Variants in CDH13 observed in about 807,000 individuals in gnomAD.
CDH13 encodes cadherin 13.
In CDH13, 24 loss-of-function variants were observed where a neutral mutation model predicts 63.8. That is an observed-to-expected ratio of 0.38 (90% confidence interval 0.27 to 0.53). The LOEUF (loss-of-function observed/expected upper bound fraction) is 0.53. Among genes scored for constraint, CDH13 ranks in the 20% least tolerant of loss-of-function variants. The pLI, the probability that CDH13 is intolerant of heterozygous loss-of-function variation, is 0.85. For synonymous variants in CDH13, 503 were observed against 355.3 expected (o/e 1.42, Z -4.67); for missense variants, 1,049 against 903.1 (o/e 1.16, Z -2.07).
At chr16:83,076,616 A>G (rs1238569322) in intron 3 of CDH13, among the ~76,000 whole-genome samples, 1 of 151,730 alleles carries the variant, frequency 6.6e-6, no homozygotes, top group Non-Finnish European at 1.5e-5. Context: ...TACTTGCTTT[A>G]TATATATAAA....
In CDH13 at chr16:83,470,641, C is replaced by T. The variant is rs537224218; in HGVS notation, c.782-15836C>T. On this transcript the variant is annotated intron_variant, in intron 6 of 13. Coordinates refer to ENST00000567109, the MANE Select transcript of CDH13 (RefSeq NM_001257.5). ...TGGCAGGAGGGAGAATCTGATTCTT[C>T]TACCCCTTCTGCTGCTCCAAATGAT... 8.5e-5 allele frequency among the ~76,000 whole-genome samples: 13 copies of T among 152,236 alleles called. 1 individual carries two copies. Among genetic ancestry groups the T allele is most frequent in the African/African-American group, 3.1e-4 (13 of 41,536 alleles).
At chr16:83,446,259 T>C (rs1598040227) in intron 6 of CDH13, among the ~76,000 whole-genome samples, 1 of 144,944 alleles carries the variant, frequency 6.9e-6, no homozygotes, top group Admixed American at 7.2e-5. Context: ...GCCGAGATCA[T>C]GCCACTGCAC....
At chr16:83,042,597 A>C (rs541854344) in intron 3 of CDH13, among the ~76,000 whole-genome samples, 1 of 152,218 alleles carries the variant, frequency 6.6e-6, no homozygotes, top group African/African-American at 2.4e-5. Flanking sequence ...AATCATCCCA[A>C]AACCGCCACC....
chr16:83,402,218 TAAAGTAGCA>T (rs2151443903), intron 6 of CDH13, among the ~76,000 whole-genome samples: 1 of 152,308 alleles, frequency 6.6e-6, no homozygotes, highest in African/African-American at 2.4e-5. Context: ...CTGCTGCTGC[TAAAGTAGCA>T]AAACTGTCTG....
chr16:83,433,363 C>T (rs1424675335), intron 6 of CDH13, among the ~76,000 whole-genome samples: 1 of 152,062 alleles, frequency 6.6e-6, no homozygotes, highest in East Asian at 1.9e-4. Context: ...AATGAGTCAG[C>T]AAAAAATGAG....
chr16:82,939,352 G>A (rs972074071), intron 2 of CDH13, among the ~76,000 whole-genome samples: 2 of 152,022 alleles, frequency 1.3e-5, no homozygotes, highest in African/African-American at 4.8e-5. Context: ...GAGCCAGGGA[G>A]ACGGAGGTTG....
intron 4 of CDH13, among the ~76,000 whole-genome samples, chr16:83,140,206 C>T (rs1202371286): frequency 1.3e-5 from 2 of 152,194 alleles, no homozygotes; most frequent in Non-Finnish European, 2.9e-5. Flanking sequence ...CTGACAAGCC[C>T]AGCTCCATGG....
chr16:83,366,270 T>G lies in CDH13; in HGVS notation c.781+21264T>G, dbSNP rs80080347. ...CCCAATACCAACATCATTCTTAAAT[T>G]AAAACAGCAACGGAAGCAATCTCAG... On this transcript the variant is annotated intron_variant, in intron 6 of 13. Coordinates refer to ENST00000567109, the MANE Select transcript of CDH13 (RefSeq NM_001257.5). Among the ~76,000 whole-genome samples, 1,480 of 152,290 alleles carry G rather than the reference T, an allele frequency of 9.7e-3. 18 individuals carry two copies. Among genetic ancestry groups the G allele is most frequent in the African/African-American group, 0.033 (1,371 of 41,562 alleles).
chr16:83,470,530 G>A (rs1243941737), intron 6 of CDH13, among the ~76,000 whole-genome samples: 3 of 152,130 alleles, frequency 2.0e-5, no homozygotes, highest in Admixed American at 1.3e-4. Context: ...TTATAATAGA[G>A]CATAACATTC....
rs551535552 is a variant in CDH13 at position 83,472,458 on chromosome 16, G to A, written c.782-14019G>A. Among the ~76,000 whole-genome samples the A allele has an allele frequency of 2.7e-4, 41 of 152,320 alleles. No individual in the cohort carries two copies. In the South Asian group the frequency reaches 8.5e-3, roughly 32 times the overall value. The stretch of plus-strand genomic sequence containing the variant: ...GAGAGCAGGAGCCATGATGACTCTG[G>A]AGCCCTGAGGTCGGCCCCGGGAGCT... On this transcript the variant is annotated intron_variant, in intron 6 of 13. Coordinates refer to ENST00000567109, the MANE Select transcript of CDH13 (RefSeq NM_001257.5).
At chr16:83,189,831 G>A (rs62037384) in intron 4 of CDH13, among the ~76,000 whole-genome samples, 1,675 of 152,264 alleles carry the variant, frequency 0.011, 10 homozygotes, top group Non-Finnish European at 0.015. Context: ...GTCACGGGAG[G>A]GACCCAATGG....
chr16:83,458,658 C>A (rs1438954773), intron 6 of CDH13, among the ~76,000 whole-genome samples: 1 of 152,202 alleles, frequency 6.6e-6, no homozygotes, highest in African/African-American at 2.4e-5. Context: ...TTTCAGCCAT[C>A]TTCCTGTTGT....
intron 5 of CDH13, among the ~76,000 whole-genome samples, chr16:83,265,584 G>T (rs1000537127): frequency 3.2e-4 from 48 of 151,194 alleles, no homozygotes; most frequent in Non-Finnish European, 2.4e-4. Flanking sequence ...AATTTTAATG[G>T]TTTTTTTTGT....
chr16:83,547,393 T>C (rs932627415), intron 7 of CDH13, among the ~76,000 whole-genome samples: 1 of 152,164 alleles, frequency 6.6e-6, no homozygotes, highest in Non-Finnish European at 1.5e-5. Flanking sequence ...GGTGTACAGA[T>C]TATTTTGTCA....
At chr16:83,425,078 A>C (rs563308718) in intron 6 of CDH13, among the ~76,000 whole-genome samples, 2 of 152,268 alleles carry the variant, frequency 1.3e-5, no homozygotes, top group African/African-American at 4.8e-5. Flanking sequence ...CATGCTTACA[A>C]CCTCGGTCAA....
At chr16:83,314,797 T>C (rs556172311) in intron 5 of CDH13, among the ~76,000 whole-genome samples, 1 of 152,236 alleles carries the variant, frequency 6.6e-6, no homozygotes, top group Non-Finnish European at 1.5e-5. Flanking sequence ...CCACATTAGG[T>C]GCAACTTCAT....
At chr16:83,690,784 C>T (rs1001052088) in intron 10 of CDH13, among the ~76,000 whole-genome samples, 2 of 152,062 alleles carry the variant, frequency 1.3e-5, no homozygotes, top group Non-Finnish European at 2.9e-5. Flanking sequence ...TACAGTGCCA[C>T]GATTTTGGCT....
At chr16:83,169,970 G>A (rs1214908093) in intron 4 of CDH13, among the ~76,000 whole-genome samples, 1 of 152,000 alleles carries the variant, frequency 6.6e-6, no homozygotes, top group South Asian at 2.1e-4. Flanking sequence ...TTAATGTGAA[G>A]TCCCATTTCA....
chr16:83,175,821 CTTTTTTTTTT>C (rs762355886), intron 4 of CDH13, among the ~76,000 whole-genome samples: 3 of 90,010 alleles, frequency 3.3e-5, no homozygotes, highest in Admixed American at 2.9e-4. Context: ...TTTCAACCTG[CTTTTTTTTTT>C]TTTTTTTTTT....
Sources: allele counts gnomAD v4.1 joint callset (sites outside exome capture counted in the v4.1 genomes callset), GRCh38; gene constraint gnomAD v4.1.1; transcripts MANE v1.5; gene names NCBI Gene and HGNC (gene_info 2026-07-23, HGNC 2026-07-21).